CCDC148: variants seen among roughly 807,000 people sequenced by gnomAD.
CCDC148 encodes coiled-coil domain containing 148.
Under a neutral mutation model 85.7 loss-of-function variants are expected in CCDC148, and 89 were observed. That is an observed-to-expected ratio of 1.04 (90% CI 0.87 to 1.24). The LOEUF is 1.24. CCDC148 is among the 50% of genes most tolerant of loss of function. The pLI is 0.00. For missense variants in CCDC148, 692 were observed against 671.7 expected (o/e 1.03, Z -0.33); for synonymous variants, 230 against 213.9 (o/e 1.08, Z -0.66).
intron 10 of CCDC148, among the ~76,000 whole-genome samples, chr2:158,234,440 A>T (rs1005388399): frequency 4.6e-5 from 7 of 152,162 alleles, no homozygotes; most frequent in African/African-American, 1.7e-4. Flanking sequence ...AAACAAGCTC[A>T]TTTACCTCTG....
At chr2:158,443,515 A>AAAAAAAGAAAAGAAAAG (rs1553524478) in intron 1 of CCDC148, among the ~76,000 whole-genome samples, 1 of 100,892 alleles carries the variant, frequency 9.9e-6, no homozygotes, top group African/African-American at 3.5e-5. Context: ...AAAAAAAAAA[A>AAAAAAAGAAAAGAAAAG]AAAAAAAAGA....
chr2:158,450,000 T>TC (rs1688337869), intron 1 of CCDC148, among the ~76,000 whole-genome samples: 1 of 151,898 alleles, frequency 6.6e-6, no homozygotes, highest in South Asian at 2.1e-4. Flanking sequence ...ATTTTTTTTT[T>TC]TTTGTATTTT....
chr2:158,239,177 A>T (rs2105319463), intron 10 of CCDC148, among the ~76,000 whole-genome samples: 1 of 152,304 alleles, frequency 6.6e-6, no homozygotes, highest in East Asian at 1.9e-4. Flanking sequence ...GCCAGAAAGT[A>T]CAGTCAAAAA....
At chr2:158,183,654 C>T (rs1407671675) in intron 11 of CCDC148, among the ~76,000 whole-genome samples, 1 of 152,148 alleles carries the variant, frequency 6.6e-6, no homozygotes, top group Non-Finnish European at 1.5e-5. Context: ...GGAACTCCCC[C>T]TACCACCTAA....
chr2:158,391,247 A>G (rs1330747054), intron 1 of CCDC148, among the ~76,000 whole-genome samples: 1 of 152,144 alleles, frequency 6.6e-6, no homozygotes, highest in Non-Finnish European at 1.5e-5. Flanking sequence ...TTTCCCAATA[A>G]TGTAATAAAA....
intron 1 of CCDC148, among the ~76,000 whole-genome samples, chr2:158,367,434 C>T (rs1454932263): frequency 2.0e-5 from 3 of 152,066 alleles, no homozygotes; most frequent in Non-Finnish European, 4.4e-5. Flanking sequence ...GGAGAGCCAG[C>T]CCCTTTAGAT....
At chr2:158,227,908 A>G (rs1687637396) in intron 10 of CCDC148, among the ~76,000 whole-genome samples, 1 of 152,222 alleles carries the variant, frequency 6.6e-6, no homozygotes, top group African/African-American at 2.4e-5. Flanking sequence ...CAAGGACTTC[A>G]TGTCCAAAAC....
chr2:158,351,467 G>GGTGACAAAC (rs1553511222), intron 2 of CCDC148, among the ~76,000 whole-genome samples: 1 of 150,270 alleles, frequency 6.7e-6, no homozygotes, highest in Admixed American at 6.6e-5. Context: ...TCAAAGAAAG[G>GGTGACAAAC]GGCACCTGGA....
At chr2:158,437,592 C>G (rs564334000) in intron 1 of CCDC148, among the ~76,000 whole-genome samples, 1 of 152,086 alleles carries the variant, frequency 6.6e-6, no homozygotes, top group Non-Finnish European at 1.5e-5. Context: ...CTCTCTCACC[C>G]CTCCTATTCA....
At chr2:158,423,153 G>C (rs1324863921) in intron 1 of CCDC148, among the ~76,000 whole-genome samples, 1 of 152,096 alleles carries the variant, frequency 6.6e-6, no homozygotes, top group Non-Finnish European at 1.5e-5. Flanking sequence ...TGGCCACACT[G>C]CCCAAAGTAA....
chr2:158,443,442 T>C (rs921913862), intron 1 of CCDC148, among the ~76,000 whole-genome samples: 1 of 138,744 alleles, frequency 7.2e-6, no homozygotes, highest in Admixed American at 8.4e-5. Flanking sequence ...AGATCAAGGC[T>C]GCGGTCAGCC....
chr2:158,288,710 T>A, intron 9 of CCDC148: 1 of 382,190 alleles, frequency 2.6e-6, no homozygotes, highest in Non-Finnish European at 5.1e-6. Context: ...TGTTCCAACC[T>A]CTGCCTGATA....
At chr2:158,242,420 A>G (rs1559011804) in intron 10 of CCDC148, among the ~76,000 whole-genome samples, 1 of 152,168 alleles carries the variant, frequency 6.6e-6, no homozygotes, top group African/African-American at 2.4e-5. Flanking sequence ...TTTTCTTATC[A>G]TACAAATGCA....
intron 8 of CCDC148, 127 bp downstream of exon 8, chr2:158,313,629 T>C: frequency 4.0e-6 from 4 of 991,840 alleles, no homozygotes; most frequent in East Asian, 2.7e-5. Flanking sequence ...TATAACCCTA[T>C]TATTTTCTAG....
At chr2:158,437,525 T>A (rs139717320) in intron 1 of CCDC148, among the ~76,000 whole-genome samples, 25,316 of 152,176 alleles carry the variant, frequency 0.17, 2,269 homozygotes, top group Middle Eastern at 0.21. Context: ...AATATCATAC[T>A]GAATGGGCAA....
rs1574664281 is a variant in CCDC148, at chr2:158,348,653, A to C, written c.148-3335T>G. 2.0e-5 allele frequency among the ~76,000 whole-genome samples: 3 copies of C among 152,040 alleles called. No individual in the cohort carries two copies. The South Asian group carries it at 6.2e-4, about 31-fold the overall frequency. ...AAATATTTATGGGTGAAATATTATG[A>C]TGTCTGTGATTTGCTTCAAAACAAT... is the stretch of plus-strand genomic sequence containing the variant. On this transcript the variant is annotated intron_variant, in intron 2 of 13. Transcript: ENST00000283233.
chr2:158,386,805 C>G (rs534285642), intron 1 of CCDC148, among the ~76,000 whole-genome samples: 5 of 152,242 alleles, frequency 3.3e-5, no homozygotes, highest in African/African-American at 1.2e-4. Flanking sequence ...CTCCTTCCCA[C>G]ATATTCTACC....
intron 7 of CCDC148, among the ~76,000 whole-genome samples, chr2:158,324,159 C>A (rs1194609879): frequency 6.6e-6 from 1 of 152,060 alleles, no homozygotes; most frequent in East Asian, 1.9e-4. Context: ...CGAAAATGAT[C>A]CACCCATCTT....
At chr2:158,447,361 C>G (rs1688203894) in intron 1 of CCDC148, 1 of 152,132 alleles carries the variant, frequency 6.6e-6, no homozygotes, top group Non-Finnish European at 1.5e-5. Context: ...GACACCTGAT[C>G]AGCATAGTGC....
Sources: allele counts gnomAD v4.1 joint callset (sites outside exome capture counted in the v4.1 genomes callset), GRCh38; gene constraint gnomAD v4.1.1; transcripts MANE v1.5; gene names NCBI Gene and HGNC (gene_info 2026-07-23, HGNC 2026-07-21).